GRID2: variants seen among roughly 807,000 people sequenced by gnomAD.
The protein encoded by GRID2 is glutamate receptor ionotropic, delta-2.
In GRID2, 33 loss-of-function variants were observed where a neutral mutation model predicts 114.8. That is an observed-to-expected ratio of 0.29 (90% CI 0.22 to 0.38). The LOEUF is 0.38. Ranked by LOEUF, GRID2 falls within the 10% of genes least tolerant of loss-of-function variation. The probability of loss-of-function intolerance (pLI) is 1.00; values close to 1 mark genes in which losing one functional copy is unlikely to be tolerated. For missense variants in GRID2, 1,184 were observed against 1,257.7 expected (o/e 0.94, Z 0.89); for synonymous variants, 505 against 449.9 (o/e 1.12, Z -1.55).
At chr4:93,275,794 T>C (rs1368663494) in intron 8 of GRID2, among the ~76,000 whole-genome samples, 1 of 151,902 alleles carries the variant, frequency 6.6e-6, no homozygotes, top group East Asian at 1.9e-4. Flanking sequence ...TTCAAATTTT[T>C]CGATCATTTT....
At chr4:93,266,598 G>A (rs1003951179) in intron 8 of GRID2, among the ~76,000 whole-genome samples, 1 of 152,128 alleles carries the variant, frequency 6.6e-6, no homozygotes, top group Admixed American at 6.5e-5. Context: ...ATTTTTAGTA[G>A]AGACGGGGTT....
chr4:92,464,582 A>T (rs548442041), intron 1 of GRID2, among the ~76,000 whole-genome samples: 8 of 152,176 alleles, frequency 5.3e-5, no homozygotes, highest in Middle Eastern at 3.4e-3. Context: ...AAAAATCCTT[A>T]AAAAAAGGTA....
At chr4:93,154,894 G>A (rs897721518) in intron 4 of GRID2, among the ~76,000 whole-genome samples, 1 of 151,656 alleles carries the variant, frequency 6.6e-6, no homozygotes, top group South Asian at 2.1e-4. Flanking sequence ...TATCTGTAAG[G>A]GTTCTCATCC....
At chr4:92,682,172 A>G (rs1733681553) in intron 2 of GRID2, among the ~76,000 whole-genome samples, 1 of 152,158 alleles carries the variant, frequency 6.6e-6, no homozygotes, top group Admixed American at 6.5e-5. Flanking sequence ...TCACTTCAAC[A>G]TGAATCTTGT....
At chr4:92,572,359 C>A (rs1305379345) in intron 1 of GRID2, among the ~76,000 whole-genome samples, 1 of 151,932 alleles carries the variant, frequency 6.6e-6, no homozygotes, top group South Asian at 2.1e-4. Context: ...TCTGAATAGA[C>A]CAATAACAGG....
At chr4:93,135,154 T>A (rs1489616230) in intron 4 of GRID2, among the ~76,000 whole-genome samples, 1 of 152,164 alleles carries the variant, frequency 6.6e-6, no homozygotes. Flanking sequence ...TGCAAACAGA[T>A]TTGATTTAAT....
At chr4:92,836,492 G>A (rs991818353) in intron 2 of GRID2, among the ~76,000 whole-genome samples, 1 of 152,034 alleles carries the variant, frequency 6.6e-6, no homozygotes, top group African/African-American at 2.4e-5. Context: ...GATGGTACAT[G>A]GCAAATAGCA....
chr4:92,357,602 T>C (rs1728391255), intron 1 of GRID2, among the ~76,000 whole-genome samples: 3 of 151,820 alleles, frequency 2.0e-5, no homozygotes, highest in African/African-American at 4.8e-5. Context: ...AATTTTCACA[T>C]TATTAGTTAA....
chr4:93,734,384 A>T (rs1258108103), intron 14 of GRID2, among the ~76,000 whole-genome samples: 2 of 152,016 alleles, frequency 1.3e-5, no homozygotes, highest in Non-Finnish European at 2.9e-5. Context: ...AATTATTTGC[A>T]ATCTGGTAAG....
chr4:93,618,825 C>G (rs1741949900), intron 13 of GRID2, among the ~76,000 whole-genome samples: 1 of 152,200 alleles, frequency 6.6e-6, no homozygotes, highest in African/African-American at 2.4e-5. Flanking sequence ...GAGCCCCAAC[C>G]TTTCTAACCT....
In GRID2 at chr4:92,911,632, T is replaced by C. The variant is rs182930250; in HGVS notation, c.245-173363T>C. On this transcript the variant is annotated intron_variant, in intron 2 of 15. Coordinates refer to ENST00000282020, the MANE Select transcript of GRID2 (RefSeq NM_001510.4). ...CCACAAAACAATTGCTGGTGTGTCA[T>C]GAAGAAAATATATTGTGGAAATAAT... 1.6e-3 allele frequency among the ~76,000 whole-genome samples: 240 copies of C among 152,050 alleles called. 1 individual carries two copies. The highest frequency in any genetic ancestry group is 5.5e-3 in the African/African-American group (228 of 41,546).
chr4:92,313,115 GTGTGTGTA>G (rs1255334231), intron 1 of GRID2, among the ~76,000 whole-genome samples: 7 of 142,664 alleles, frequency 4.9e-5, no homozygotes, highest in African/African-American at 8.8e-5. Flanking sequence ...GTGTGTGTGT[GTGTGTGTA>G]TATGAGATGG....
intron 1 of GRID2, among the ~76,000 whole-genome samples, chr4:92,542,104 A>C (rs1032769442): frequency 6.6e-6 from 1 of 152,076 alleles, no homozygotes; most frequent in African/African-American, 2.4e-5. Flanking sequence ...GTAGTTCCCA[A>C]ATGCATATCC....
intron 2 of GRID2, among the ~76,000 whole-genome samples, chr4:92,984,891 TATC>T (rs1261007423): frequency 3.9e-5 from 6 of 152,176 alleles, no homozygotes; most frequent in South Asian, 2.1e-4. Flanking sequence ...GGCAATAAAA[TATC>T]ATAGAAATGA....
intron 14 of GRID2, among the ~76,000 whole-genome samples, chr4:93,663,943 A>G (rs1052765614): frequency 6.6e-6 from 1 of 152,164 alleles, no homozygotes; most frequent in African/African-American, 2.4e-5. Context: ...TTCGGATTTT[A>G]TGGAACCTGG....
At chr4:93,643,268 G>A (rs1420194122) in intron 14 of GRID2, among the ~76,000 whole-genome samples, 2 of 31,164 alleles carry the variant, frequency 6.4e-5, no homozygotes, top group Non-Finnish European at 1.0e-4. Flanking sequence ...ATGTCCTCCC[G>A]TAGCTCAGAG....
At chr4:93,780,053 A>G (rs543010620) in intron 1 of GRID2, among the ~76,000 whole-genome samples, 1 of 152,230 alleles carries the variant, frequency 6.6e-6, no homozygotes, top group African/African-American at 2.4e-5. Flanking sequence ...TTCACAGTTA[A>G]CTGAGGGAGA....
intron 14 of GRID2, among the ~76,000 whole-genome samples, chr4:93,684,704 G>A (rs1282867265): frequency 6.6e-6 from 1 of 152,006 alleles, no homozygotes; most frequent in Non-Finnish European, 1.5e-5. Context: ...AGGCCAGGGT[G>A]ATCAGATATC....
intron 13 of GRID2, among the ~76,000 whole-genome samples, chr4:93,517,910 GT>G (rs1275942294): frequency 3.5e-5 from 5 of 144,524 alleles, no homozygotes; most frequent in South Asian, 4.4e-4. Context: ...ATGTATGTGT[GT>G]GTGTATGTAT....
Sources: gnomAD v4.1 joint callset for allele counts (sites outside exome capture counted in the v4.1 genomes callset) on GRCh38, gnomAD v4.1.1 for gene constraint, MANE v1.5 for transcripts, NCBI Gene and HGNC (gene_info 2026-07-23, HGNC 2026-07-21) for gene names.